The following L3MBTL4 variants were observed in gnomAD, a reference collection of about 807,000 sequenced individuals.
L3MBTL4 encodes the protein lethal(3)malignant brain tumor-like protein 4.
Under a neutral mutation model 84.5 loss-of-function variants are expected in L3MBTL4, and 70 were observed. That is an observed-to-expected ratio of 0.83 (90% CI 0.68 to 1.01). L3MBTL4 has a LOEUF of 1.01. Ranked by LOEUF, L3MBTL4 falls within the 50% of genes least tolerant of loss-of-function variation. The pLI, the probability that L3MBTL4 is intolerant of heterozygous loss-of-function variation, is 0.00. For synonymous variants in L3MBTL4, 274 were observed against 259.8 expected, an observed-to-expected ratio of 1.05 and a Z score of -0.52; for missense variants, 715 against 754.8, an observed-to-expected ratio of 0.95 and a Z score of 0.62.
At chr18:6,370,578 C>G (rs530145528) in intron 1 of L3MBTL4, among the ~76,000 whole-genome samples, 1 of 152,202 alleles carries the variant, frequency 6.6e-6, no homozygotes, top group Non-Finnish European at 1.5e-5. Context: ...GGTCCCCCCT[C>G]CCACCCAGGG....
At chr18:6,179,687 G>A (rs73383915) in intron 12 of L3MBTL4, among the ~76,000 whole-genome samples, 4,937 of 152,268 alleles carry the variant, frequency 0.032, 290 homozygotes, top group African/African-American at 0.11. Flanking sequence ...CACATACACA[G>A]ACATGGCACA....
chr18:6,279,775 C>T (rs2049246870), intron 4 of L3MBTL4, among the ~76,000 whole-genome samples: 2 of 152,194 alleles, frequency 1.3e-5, no homozygotes, highest in South Asian at 4.1e-4. Context: ...TAACAACCAC[C>T]TATATGAGAT....
intron 16 of L3MBTL4, among the ~76,000 whole-genome samples, chr18:5,991,315 C>T (rs895264588): frequency 2.6e-5 from 4 of 152,160 alleles, no homozygotes; most frequent in African/African-American, 9.7e-5. Context: ...GTAAGCCTTG[C>T]CAGTGCCTTG....
intron 14 of L3MBTL4, among the ~76,000 whole-genome samples, chr18:6,116,193 G>T (rs2059353648): frequency 2.0e-5 from 3 of 152,136 alleles, no homozygotes. Context: ...GGACCACAGG[G>T]TTCAGCAACA....
intron 16 of L3MBTL4, among the ~76,000 whole-genome samples, chr18:5,987,659 T>C (rs2053524164): frequency 6.6e-6 from 1 of 152,220 alleles, no homozygotes; most frequent in African/African-American, 2.4e-5. Flanking sequence ...CTCGCTCAGA[T>C]TGCCTTTTAG....
At chr18:6,375,361 G>A (rs957236672) in intron 1 of L3MBTL4, among the ~76,000 whole-genome samples, 2 of 151,972 alleles carry the variant, frequency 1.3e-5, no homozygotes, top group Non-Finnish European at 1.5e-5. Context: ...CTGACCAGCC[G>A]ACTTCTCTTC....
At chr18:6,127,863 A>T (rs1201015974) in intron 14 of L3MBTL4, among the ~76,000 whole-genome samples, 4 of 152,104 alleles carry the variant, frequency 2.6e-5, no homozygotes, top group Non-Finnish European at 5.9e-5. Context: ...CCAGAAGTTC[A>T]CCATTGATGG....
intron 11 of L3MBTL4, 116 bp downstream of exon 11, chr18:6,215,634 A>G: frequency 1.9e-6 from 1 of 513,660 alleles, no homozygotes; most frequent in South Asian, 4.5e-5. Context: ...TTGGTTATGA[A>G]ATTACTACTT....
Position 6,339,135 on chromosome 18 carries a change from CCACATGATGCGGTTCA to C in L3MBTL4, c.-90-27095_-90-27080del, listed in dbSNP as rs2052485871. 2.6e-5 allele frequency among the ~76,000 whole-genome samples: 4 copies of C among 152,114 alleles called. No homozygotes were observed. The South Asian group carries it at 8.3e-4, about 31-fold the overall frequency. ...CGACCCAAACATCATATCATTAGGG[CCACATGATGCGGTTCA>C]CAAGTTTGTCCATGTATACAACACT... On this transcript the variant is annotated intron_variant, in intron 1 of 18. Transcript: ENST00000317931.
At chr18:6,147,638 G>C (rs2042712284) in intron 13 of L3MBTL4, among the ~76,000 whole-genome samples, 1 of 152,060 alleles carries the variant, frequency 6.6e-6, no homozygotes, top group African/African-American at 2.4e-5. Flanking sequence ...TTAGAAATGT[G>C]GTAAATTCCT....
At chr18:6,331,645 G>A (rs772687633) in intron 1 of L3MBTL4, among the ~76,000 whole-genome samples, 19 of 152,002 alleles carry the variant, frequency 1.2e-4, no homozygotes, top group Non-Finnish European at 2.2e-4. Context: ...GTATAAACTC[G>A]TGAGGAAATA....
chr18:6,109,895 C>A (rs1396361536), intron 14 of L3MBTL4, among the ~76,000 whole-genome samples: 1 of 151,722 alleles, frequency 6.6e-6, no homozygotes, highest in Non-Finnish European at 1.5e-5. Context: ...GGTCAGTGCA[C>A]CCTCCAGGCA....
chr18:6,093,980 C>G (rs963020511), intron 14 of L3MBTL4, among the ~76,000 whole-genome samples: 3 of 152,170 alleles, frequency 2.0e-5, no homozygotes, highest in Non-Finnish European at 2.9e-5. Flanking sequence ...TATGCAGAAA[C>G]ACTCTATCTG....
chr18:6,372,867 C>A (rs1199427408), intron 1 of L3MBTL4, among the ~76,000 whole-genome samples: 1 of 152,160 alleles, frequency 6.6e-6, no homozygotes, highest in Non-Finnish European at 1.5e-5. Flanking sequence ...CCTGCAGGAA[C>A]TTAACCCACC....
intron 13 of L3MBTL4, among the ~76,000 whole-genome samples, chr18:6,165,010 T>C (rs1188829187): frequency 6.6e-6 from 1 of 152,154 alleles, no homozygotes; most frequent in Non-Finnish European, 1.5e-5. Context: ...CTGAAAACCA[T>C]GGCACAAGAA....
intron 4 of L3MBTL4, among the ~76,000 whole-genome samples, chr18:6,275,799 G>A (rs547619669): frequency 3.3e-5 from 5 of 152,266 alleles, no homozygotes; most frequent in East Asian, 3.9e-4. Flanking sequence ...AAATCCAAGC[G>A]AGGTGCTCAT....
At chr18:6,033,586 T>C (rs1040327655) in intron 16 of L3MBTL4, among the ~76,000 whole-genome samples, 5 of 152,252 alleles carry the variant, frequency 3.3e-5, no homozygotes, top group Non-Finnish European at 7.3e-5. Context: ...TAATTACGAT[T>C]ACATTTCTTG....
chr18:5,962,171 C>G (rs6506353), intron 17 of L3MBTL4, among the ~76,000 whole-genome samples: 55,786 of 151,500 alleles, frequency 0.37, 10,507 homozygotes, highest in East Asian at 0.5. Context: ...AACATGCTAA[C>G]ACCCTTGAGA....
At chr18:6,307,435 CA>C (rs10610609) in intron 3 of L3MBTL4, among the ~76,000 whole-genome samples, 71,743 of 115,372 alleles carry the variant, frequency 0.62, 18,967 homozygotes, top group Admixed American at 0.66. Flanking sequence ...GACTCCGTCT[CA>C]AAAAAAAAAA....
Sources: allele counts gnomAD v4.1 joint callset (sites outside exome capture counted in the v4.1 genomes callset), GRCh38; gene constraint gnomAD v4.1.1; transcripts MANE v1.5; gene names NCBI Gene and HGNC (gene_info 2026-07-23, HGNC 2026-07-21).